AGBL4: variants seen among roughly 807,000 people sequenced by gnomAD.
AGBL4 encodes AGBL carboxypeptidase 4, also known as cytosolic carboxypeptidase 6.
A neutral mutation model predicts 66.4 loss-of-function variants in AGBL4; 58 were observed. That is an observed-to-expected ratio of 0.87 (90% CI 0.71 to 1.09). The LOEUF (loss-of-function observed/expected upper bound fraction) is 1.09, where lower values mean the gene tolerates loss of function less well. AGBL4 is among the 50% of genes least tolerant of loss of function. The probability of loss-of-function intolerance (pLI) is 0.00; values close to 1 mark genes in which losing one functional copy is unlikely to be tolerated. For missense variants in AGBL4, 579 were observed against 631.0 expected, an observed-to-expected ratio of 0.92 and a Z score of 0.88; for synonymous variants, 234 against 222.9, an observed-to-expected ratio of 1.05 and a Z score of -0.44.
rs1319624496 is a variant in AGBL4 at position 49,922,746 on chromosome 1, CAACT to C, written c.35-71232_35-71229del. Among the ~76,000 whole-genome samples, 8 of 152,134 alleles carry C rather than the reference CAACT, an allele frequency of 5.3e-5. No individual in the cohort carries two copies. In the East Asian group the frequency reaches 1.2e-3, roughly 22 times the overall value. On this transcript the variant is annotated intron_variant, in intron 1 of 13. Coordinates refer to ENST00000371839, the MANE Select transcript of AGBL4 (RefSeq NM_032785.4). The stretch of plus-strand genomic sequence containing the variant: ...AAAAAGAGTAAAATACCTAGGAATA[CAACT>C]AACTAGGGAGGTAAAAAATCTCTAC...
At chr1:49,337,740 C>T (rs1645466009) in intron 3 of AGBL4, among the ~76,000 whole-genome samples, 1 of 152,164 alleles carries the variant, frequency 6.6e-6, no homozygotes, top group African/African-American at 2.4e-5. Context: ...ATTCATTAGA[C>T]TTTTTCCTAT....
chr1:49,916,220 CA>C (rs1312185047), intron 1 of AGBL4, among the ~76,000 whole-genome samples: 2 of 152,162 alleles, frequency 1.3e-5, no homozygotes, highest in Admixed American at 6.5e-5. Flanking sequence ...AGCAACGGAA[CA>C]AAGCTGGATG....
rs544212587 is a variant in AGBL4, at chr1:49,834,105, G to T, written c.157+17291C>A. On this transcript the variant is annotated intron_variant, in intron 2 of 13. Transcript: ENST00000371839. The stretch of plus-strand genomic sequence containing the variant: ...GGATTATGATGACCTGATAAAATGA[G>T]TTAAGAAGGAGTCCTTCTTTTTCTA... Among the ~76,000 whole-genome samples the T allele has an allele frequency of 2.0e-5, 3 of 152,298 alleles. No homozygotes were observed. The East Asian group carries it at 5.8e-4, about 29-fold the overall frequency.
rs973557461 is a variant in AGBL4 at position 50,023,848 on chromosome 1, G to C, written c.-52C>G. On this transcript the variant is annotated 5_prime_UTR_variant, in exon 1 of 14. Transcript: ENST00000371839. ...CACGCGAAGACCGCGGGGCAGTAGG[G>C]AGCGGGTGGTGGGATCAGTGGGCTG... 6.5e-6 allele frequency: 10 copies of C among 1,536,346 alleles called. No homozygotes were observed. The highest frequency in any genetic ancestry group is 1.7e-4 in the Middle Eastern group (1 of 5,944).
intron 4 of AGBL4, among the ~76,000 whole-genome samples, chr1:49,213,075 T>A (rs953532370): frequency 6.6e-6 from 1 of 152,156 alleles, no homozygotes; most frequent in African/African-American, 2.4e-5. Context: ...TACAAAGGAC[T>A]ATGGCTTTGT....
chr1:48,967,492 T>C (rs1389771271), intron 5 of AGBL4, among the ~76,000 whole-genome samples: 1 of 152,188 alleles, frequency 6.6e-6, no homozygotes, highest in Admixed American at 6.5e-5. Context: ...GTAGAGCAGA[T>C]AGCTGAACAA....
chr1:49,905,826 A>G (rs747350943), intron 1 of AGBL4, among the ~76,000 whole-genome samples: 2 of 152,078 alleles, frequency 1.3e-5, no homozygotes, highest in Non-Finnish European at 2.9e-5. Flanking sequence ...GCATATATGA[A>G]CTGTATATAT....
In AGBL4 at chr1:49,285,749, G is replaced by A. The variant is rs542743938; in HGVS notation, c.283-39885C>T. Among the ~76,000 whole-genome samples the A allele has an allele frequency of 1.2e-3, 180 of 152,210 alleles. 1 individual carries two copies. The highest frequency in any genetic ancestry group is 4.1e-3 in the African/African-American group (170 of 41,532). On this transcript the variant is annotated intron_variant, in intron 3 of 13. Transcript: ENST00000371839. ...CAGAGAATACTACAAACACCTCTAC[G>A]CAAATAAACTAGAAAATCTAGAAGA...
In AGBL4 at chr1:48,582,171, C is replaced by T. The variant is rs369098456; in HGVS notation, c.1267+4833G>A. ...TATTGGTTGGGCCTGACTAGCTGCC[C>T]GGGACACTTTTGTATTGATTTTACC... On this transcript the variant is annotated intron_variant, in intron 11 of 13. Coordinates refer to ENST00000371839, the MANE Select transcript of AGBL4 (RefSeq NM_032785.4). Among the ~76,000 whole-genome samples the T allele has an allele frequency of 2.1e-4, 32 of 152,218 alleles. No homozygotes were observed. The South Asian group carries it at 3.1e-3, about 15-fold the overall frequency.
chr1:48,593,754 A>AAAAT (rs935614321), intron 9 of AGBL4, among the ~76,000 whole-genome samples: 1 of 152,124 alleles, frequency 6.6e-6, no homozygotes, highest in Non-Finnish European at 1.5e-5. Flanking sequence ...CCGTCTCAAA[A>AAAAT]AAATAAATAA....
intron 5 of AGBL4, among the ~76,000 whole-genome samples, chr1:48,933,707 C>A (rs1233804296): frequency 1.3e-5 from 2 of 152,178 alleles, no homozygotes; most frequent in Admixed American, 1.3e-4. Context: ...CTCTGTCAGG[C>A]CTCTGCTAAA....
chr1:49,081,583 T>TAAG (rs1644809512), intron 4 of AGBL4, among the ~76,000 whole-genome samples: 1 of 152,180 alleles, frequency 6.6e-6, no homozygotes, highest in African/African-American at 2.4e-5. Flanking sequence ...AAGGATATCT[T>TAAG]TTACATCATC....
At chr1:49,713,695 A>G (rs778604606) in intron 2 of AGBL4, among the ~76,000 whole-genome samples, 1 of 152,122 alleles carries the variant, frequency 6.6e-6, no homozygotes, top group Non-Finnish European at 1.5e-5. Flanking sequence ...CAAGCAAAAA[A>G]GAAATACTGT....
intron 1 of AGBL4, among the ~76,000 whole-genome samples, chr1:49,893,891 T>C (rs1029560126): frequency 6.6e-6 from 1 of 151,984 alleles, no homozygotes; most frequent in Non-Finnish European, 1.5e-5. Flanking sequence ...AGTAGACAGG[T>C]AGTAGTTACA....
At chr1:48,559,796 C>A (rs1189239568) in intron 11 of AGBL4, among the ~76,000 whole-genome samples, 1 of 152,122 alleles carries the variant, frequency 6.6e-6, no homozygotes, top group Non-Finnish European at 1.5e-5. Flanking sequence ...TCTGCCCCCT[C>A]CCCTACATTC....
At chr1:49,674,221 G>C (rs893607831) in intron 3 of AGBL4, among the ~76,000 whole-genome samples, 1 of 152,024 alleles carries the variant, frequency 6.6e-6, no homozygotes, top group Non-Finnish European at 1.5e-5. Flanking sequence ...GGAAGGTCCT[G>C]AGATGTCTTC....
intron 8 of AGBL4, among the ~76,000 whole-genome samples, chr1:48,648,800 A>G (rs1645879922): frequency 1.3e-5 from 2 of 152,234 alleles, no homozygotes; most frequent in Admixed American, 1.3e-4. Context: ...CTGAGAATCC[A>G]GTTTGTTAAA....
chr1:48,731,887 G>T (rs1648197940), intron 6 of AGBL4, among the ~76,000 whole-genome samples: 1 of 152,076 alleles, frequency 6.6e-6, no homozygotes, highest in South Asian at 2.1e-4. Flanking sequence ...GGTGGTCAAG[G>T]GATATCTGGT....
chr1:48,866,700 G>A (rs1331619102), intron 6 of AGBL4, among the ~76,000 whole-genome samples: 3 of 152,164 alleles, frequency 2.0e-5, no homozygotes, highest in African/African-American at 2.4e-5. Flanking sequence ...AGCTTTTTGG[G>A]TGGACCTGAC....
Sources: gnomAD v4.1 joint callset for allele counts (sites outside exome capture counted in the v4.1 genomes callset) on GRCh38, gnomAD v4.1.1 for gene constraint, MANE v1.5 for transcripts, NCBI Gene and HGNC (gene_info 2026-07-23, HGNC 2026-07-21) for gene names.